Variants in BRAF observed in about 807,000 individuals in gnomAD.
The protein encoded by BRAF is serine/threonine-protein kinase B-raf.
In BRAF, 16 loss-of-function variants were observed where a neutral mutation model predicts 104.6. The ratio of observed to expected loss-of-function variants is 0.15; its 90% CI spans 0.10 to 0.23. BRAF has a LOEUF of 0.23. Ranked by LOEUF, BRAF falls within the 10% of genes least tolerant of loss-of-function variation. The probability of loss-of-function intolerance (pLI) is 1.00; values close to 1 mark genes in which losing one functional copy is unlikely to be tolerated. For missense variants in BRAF, 541 were observed against 937.3 expected, an observed-to-expected ratio of 0.58 and a Z score of 5.52; for synonymous variants, 310 against 341.6, an observed-to-expected ratio of 0.91 and a Z score of 1.02.
intron 1 of BRAF, among the ~76,000 whole-genome samples, chr7:140,905,556 A>T (rs957719308): frequency 1.3e-5 from 2 of 152,118 alleles, no homozygotes; most frequent in African/African-American, 4.8e-5. Context: ...ATATAACTGA[A>T]TTTTTTTGGA....
chr7:140,827,159 C>T (rs1806149336), intron 3 of BRAF, among the ~76,000 whole-genome samples: 1 of 152,158 alleles, frequency 6.6e-6, no homozygotes, highest in Non-Finnish European at 1.5e-5. Context: ...ATCAAGACTA[C>T]CTAAAAGTTC....
intron 2 of BRAF, among the ~76,000 whole-genome samples, chr7:140,849,023 T>A (rs1808860697): frequency 6.6e-6 from 1 of 152,214 alleles, no homozygotes; most frequent in Admixed American, 6.5e-5. Context: ...TGCTTAAAAA[T>A]CTCTGGTATT....
rs953527787 is a variant in BRAF at position 140,761,929 on chromosome 7, CAAT to C, written c.1815-7699_1815-7697del. Among the ~76,000 whole-genome samples, 552 of 152,256 alleles carry C rather than the reference CAAT, an allele frequency of 3.6e-3. 6 individuals are homozygous for C. Among genetic ancestry groups the C allele is most frequent in the African/African-American group, 0.013 (523 of 41,518 alleles). ...CTACAAAGAGACTTAGACTCCCACA[CAAT>C]AATAATGGGAGACTTTAACATCCCA... On this transcript the variant is annotated intron_variant, in intron 14 of 19. Transcript: ENST00000644969.
chr7:140,807,889 C>T, intron 5 of BRAF, 71 bp downstream of exon 5: 1 of 1,257,268 alleles, frequency 8.0e-7, no homozygotes, highest in South Asian at 1.3e-5. Context: ...TTTCACATTC[C>T]CTAAATAAAA....
At chr7:140,818,462 G>A (rs578208246) in intron 3 of BRAF, among the ~76,000 whole-genome samples, 31 of 152,010 alleles carry the variant, frequency 2.0e-4, no homozygotes, top group Middle Eastern at 3.4e-3. Context: ...ACAGGTGTGC[G>A]CCACAATGCC....
chr7:140,872,952 GC>G (rs993667716), intron 1 of BRAF, among the ~76,000 whole-genome samples: 2 of 152,092 alleles, frequency 1.3e-5, no homozygotes, highest in Non-Finnish European at 2.9e-5. Context: ...ATTGTTGTAT[GC>G]TAGAAAATAA....
rs112884405 is a variant in BRAF at position 140,915,638 on chromosome 7, G to C, written c.138+8928C>G. Among the ~76,000 whole-genome samples, 929 of 151,968 alleles carry C rather than the reference G, an allele frequency of 6.1e-3. 7 individuals are homozygous for C. Among genetic ancestry groups the C allele is most frequent in the African/African-American group, 0.02 (838 of 41,436 alleles). ...TTTAGTAGAGACGGAGTGTCTCCAT[G>C]TTGGTCAGGTTGGTCTCGAACTCCT... On this transcript the variant is annotated intron_variant, in intron 1 of 19. Coordinates refer to ENST00000644969, the MANE Select transcript of BRAF (RefSeq NM_001374258.1).
rs186858497 is a variant in BRAF at position 140,796,177 on chromosome 7, C to A, written c.981-1710G>T. On this transcript the variant is annotated intron_variant, in intron 7 of 19. Coordinates refer to ENST00000644969, the MANE Select transcript of BRAF (RefSeq NM_001374258.1). ...ACCAGCCTGGCCAACATAGTAAAACCCTGTCTCTACTAAAAATACAAAAAT... is the reference window on the plus strand; with the variant it reads ...ACCAGCCTGGCCAACATAGTAAAACACTGTCTCTACTAAAAATACAAAAAT... 3.6e-4 allele frequency among the ~76,000 whole-genome samples: 54 copies of A among 151,808 alleles called. 1 individual carries two copies. The highest frequency in any genetic ancestry group is 1.1e-3 in the African/African-American group (46 of 41,312).
intron 1 of BRAF, among the ~76,000 whole-genome samples, chr7:140,919,718 T>C (rs1255330345): frequency 6.6e-6 from 1 of 152,206 alleles, no homozygotes; most frequent in South Asian, 2.1e-4. Flanking sequence ...TAACATGAAG[T>C]TATCCATAAC....
intron 1 of BRAF, among the ~76,000 whole-genome samples, chr7:140,881,002 A>C (rs1165405953): frequency 6.6e-6 from 1 of 152,086 alleles, no homozygotes; most frequent in African/African-American, 2.4e-5. Context: ...AGAGAACATT[A>C]ATCTTCCTTG....
chr7:140,920,543 T>C (rs1818104573), intron 1 of BRAF, among the ~76,000 whole-genome samples: 1 of 152,222 alleles, frequency 6.6e-6, no homozygotes, highest in Non-Finnish European at 1.5e-5. Flanking sequence ...TTCTAGCCTG[T>C]TACCCTAATG....
At chr7:140,830,654 A>AGGG (rs1235868892) in intron 3 of BRAF, among the ~76,000 whole-genome samples, 2 of 152,150 alleles carry the variant, frequency 1.3e-5, no homozygotes, top group Non-Finnish European at 2.9e-5. Flanking sequence ...CCAACCTCTG[A>AGGG]GAAGTGGGGA....
chr7:140,888,113 T>A (rs772343120), intron 1 of BRAF, among the ~76,000 whole-genome samples: 2 of 152,190 alleles, frequency 1.3e-5, no homozygotes, highest in Non-Finnish European at 2.9e-5. Context: ...GACCTTGTGA[T>A]CCGTCTACCT....
At chr7:140,803,493 AT>A (rs1803339821) in intron 5 of BRAF, among the ~76,000 whole-genome samples, 1 of 152,250 alleles carries the variant, frequency 6.6e-6, no homozygotes, top group East Asian at 1.9e-4. Flanking sequence ...AAGTAATCAT[AT>A]GAAAATTGAA....
Position 140,765,204 on chromosome 7 carries a change from T to A in BRAF, c.1815-10971A>T, listed in dbSNP as rs1799185008. Among the ~76,000 whole-genome samples the A allele has an allele frequency of 2.0e-5, 3 of 152,208 alleles. No individual in the cohort carries two copies. In the South Asian group the frequency reaches 6.2e-4, roughly 32 times the overall value. ...AGAAAAACAAGCAATGGGGAAAGGATTCCCTACTTAATAAACGGTGCTGGG... is the reference window on the plus strand; with the variant it reads ...AGAAAAACAAGCAATGGGGAAAGGAATCCCTACTTAATAAACGGTGCTGGG... On this transcript the variant is annotated intron_variant, in intron 14 of 19. Coordinates refer to ENST00000644969, the MANE Select transcript of BRAF (RefSeq NM_001374258.1).
At chr7:140,762,898 A>G (rs954537042) in intron 14 of BRAF, among the ~76,000 whole-genome samples, 24 of 152,250 alleles carry the variant, frequency 1.6e-4, no homozygotes, top group African/African-American at 5.5e-4. Context: ...GACACAGCAC[A>G]TGTTTCAGAG....
intron 15 of BRAF, 101 bp downstream of exon 14, chr7:140,754,086 G>A (rs747596655): frequency 1.3e-5 from 16 of 1,216,694 alleles, no homozygotes; most frequent in Non-Finnish European, 1.8e-5. Flanking sequence ...ACAGTATATC[G>A]AACTTAGCAT....
chr7:140,848,035 A>G (rs188024185), intron 2 of BRAF, among the ~76,000 whole-genome samples: 126 of 152,332 alleles, frequency 8.3e-4, no homozygotes, highest in Non-Finnish European at 2.5e-4. Flanking sequence ...ATGCTGTCCT[A>G]CTCAGATTTA....
At chr7:140,747,704 C>T (rs1370204977) in intron 17 of BRAF, among the ~76,000 whole-genome samples, 1 of 152,096 alleles carries the variant, frequency 6.6e-6, no homozygotes, top group Non-Finnish European at 1.5e-5. Flanking sequence ...GAACATGGTA[C>T]AGGCTGTTAT....
Sources: gnomAD v4.1 joint callset for allele counts (sites outside exome capture counted in the v4.1 genomes callset) on GRCh38, gnomAD v4.1.1 for gene constraint, MANE v1.5 for transcripts, NCBI Gene and HGNC (gene_info 2026-07-23, HGNC 2026-07-21) for gene names.